TDRD7: variants seen among roughly 807,000 people sequenced by gnomAD.
The protein encoded by TDRD7 is tudor domain-containing protein 7.
A neutral mutation model predicts 109.8 loss-of-function variants in TDRD7; 47 were observed. That is an observed-to-expected ratio of 0.43 (90% CI 0.34 to 0.55). The LOEUF is 0.55. TDRD7 is among the 20% of genes least tolerant of loss of function. TDRD7 has a pLI of 0.03. For synonymous variants in TDRD7, 424 were observed against 457.3 expected, an observed-to-expected ratio of 0.93 and a Z score of 0.93; for missense variants, 1,164 against 1,319.2, an observed-to-expected ratio of 0.88 and a Z score of 1.82.
In TDRD7 at chr9:97,441,857, C is replaced by G. The variant is rs1396884692; in HGVS notation, c.837C>G (p.His279Gln). 2 of 1,613,580 alleles carry G rather than the reference C, an allele frequency of 1.2e-6. No homozygotes were observed. Among genetic ancestry groups the G allele is most frequent in the Non-Finnish European group, 1.7e-6 (2 of 1,179,648 alleles). Residue 279 changes from histidine to glutamine, a missense_variant, in exon 6 of 17, where the codon CAC becomes CAG. Physicochemically the swap from His to Gln is conservative, Grantham distance 24. Transcript: ENST00000355295. ...LNQGILQQFE[H>Q]WPHICTVEKP... ...AAGGAATTTTACAACAGTTTGAACACTGGCCTCATATTTGCACGGTATGTT... is the reference window on the plus strand; with the variant it reads ...AAGGAATTTTACAACAGTTTGAACAGTGGCCTCATATTTGCACGGTATGTT...
intron 16 of TDRD7, among the ~76,000 whole-genome samples, chr9:97,488,560 G>GTTTTT (rs61689126): frequency 2.1e-5 from 3 of 140,596 alleles, no homozygotes; most frequent in Non-Finnish European, 4.6e-5. Context: ...AGATTTAATG[G>GTTTTT]TTTTTTTTTT....
chr9:97,415,715 C>G (rs1205335586), intron 1 of TDRD7, among the ~76,000 whole-genome samples: 1 of 152,252 alleles, frequency 6.6e-6, no homozygotes, highest in East Asian at 1.9e-4. Context: ...ATCACTTGAA[C>G]CCGGCAGGCG....
In TDRD7 at chr9:97,487,226, T is replaced by C. The variant is rs375180891; in HGVS notation, c.2970T>C (p.Tyr990=). The change falls in exon 16 of 17, where the codon TAT becomes TAC. Residue 990 remains tyrosine, a synonymous_variant. Transcript: ENST00000355295. ...TGACCAATGGACTGGTATCTGTGTA[T>C]GAGCTGGATTATGGCAAACACGAAT... ...GILTNGLVSV[Y]ELDYGKHELV... is the part of the protein sequence containing the mutation. 6 of 1,613,888 alleles carry C rather than the reference T, an allele frequency of 3.7e-6. No homozygotes were observed. The Admixed American group carries it at 5.0e-5, about 13-fold the overall frequency.
rs530845020 is a variant in TDRD7 at position 97,439,803 on chromosome 9, G to T, written c.637+485G>T. On this transcript the variant is annotated intron_variant, in intron 5 of 16. Coordinates refer to ENST00000355295, the MANE Select transcript of TDRD7 (RefSeq NM_014290.3). ...TAAATATGAATATAAATAATTCTTT[G>T]GGTAATAGAATCCAAGTGGGCTGTT... Among the ~76,000 whole-genome samples the T allele has an allele frequency of 2.8e-3, 430 of 152,238 alleles. 1 individual carries two copies. Among genetic ancestry groups the T allele is most frequent in the African/African-American group, 1.0e-2 (415 of 41,542 alleles).
chr9:97,445,546 C>T (rs1828385823), intron 6 of TDRD7, among the ~76,000 whole-genome samples: 1 of 152,132 alleles, frequency 6.6e-6, no homozygotes, highest in South Asian at 2.1e-4. Context: ...GGCTGTTAAA[C>T]TAAAACCTGA....
chr9:97,454,010 A>ATT (rs1327386010), intron 6 of TDRD7, among the ~76,000 whole-genome samples: 1 of 152,208 alleles, frequency 6.6e-6, no homozygotes, highest in African/African-American at 2.4e-5. Context: ...TAACAATGAT[A>ATT]TTCAGGACTT....
intron 6 of TDRD7, among the ~76,000 whole-genome samples, chr9:97,451,381 C>A (rs1371403461): frequency 1.3e-5 from 2 of 152,164 alleles, no homozygotes; most frequent in Non-Finnish European, 2.9e-5. Context: ...CCTGGACATC[C>A]TGGGCTCAAG....
chr9:97,443,706 T>C (rs545323345), intron 6 of TDRD7, among the ~76,000 whole-genome samples: 6 of 152,326 alleles, frequency 3.9e-5, no homozygotes, highest in Admixed American at 2.6e-4. Flanking sequence ...CATAGAACTT[T>C]ATGAGTTCTT....
intron 6 of TDRD7, among the ~76,000 whole-genome samples, chr9:97,459,873 A>C (rs1828679713): frequency 6.6e-6 from 1 of 152,214 alleles, no homozygotes. Flanking sequence ...TGGATTTGGC[A>C]GAAACAACTA....
chr9:97,490,333 G>A (rs1483285447), intron 16 of TDRD7, among the ~76,000 whole-genome samples: 1 of 152,120 alleles, frequency 6.6e-6, no homozygotes, highest in Non-Finnish European at 1.5e-5. Flanking sequence ...ATAAGGTACA[G>A]AACTTTAGCT....
At chr9:97,486,615 GA>G (rs1829215867) in intron 15 of TDRD7, among the ~76,000 whole-genome samples, 1 of 152,068 alleles carries the variant, frequency 6.6e-6, no homozygotes. Flanking sequence ...TTCCTAGTCT[GA>G]CTTCTCTTCC....
intron 6 of TDRD7, among the ~76,000 whole-genome samples, chr9:97,447,696 C>T (rs1040482529): frequency 6.6e-6 from 1 of 152,202 alleles, no homozygotes; most frequent in East Asian, 1.9e-4. Context: ...ACCCTCCCTG[C>T]ACCTGCCCCA....
At chr9:97,426,767 T>A (rs1385774705) in intron 1 of TDRD7, among the ~76,000 whole-genome samples, 1 of 152,220 alleles carries the variant, frequency 6.6e-6, no homozygotes, top group Non-Finnish European at 1.5e-5. Flanking sequence ...TGTTTGCTAT[T>A]GAAACCTTGC....
chr9:97,450,387 G>T (rs2118423552), intron 6 of TDRD7, among the ~76,000 whole-genome samples: 1 of 152,316 alleles, frequency 6.6e-6, no homozygotes, highest in Admixed American at 6.5e-5. Flanking sequence ...CCTGAATCAA[G>T]TGGGCTAAAG....
chr9:97,467,697 A>G (rs968808872), intron 8 of TDRD7, among the ~76,000 whole-genome samples: 3 of 152,278 alleles, frequency 2.0e-5, no homozygotes, highest in African/African-American at 7.2e-5. Context: ...AGCAAGAGAT[A>G]GGCAGAGTGA....
At position 97,428,608 on chromosome 9, in the gene TDRD7, C is replaced by T. The variant is rs1363847254; in HGVS notation, c.143C>T (p.Thr48Ile). 6.2e-7 allele frequency: 1 copy of T among 1,614,018 alleles called. No homozygotes were observed. The highest frequency in any genetic ancestry group is 2.2e-5 in the East Asian group (1 of 44,866). Reference protein sequence around the residue: ...WIPFKQLGFPTLEAYLRSVPA... With the variant: ...WIPFKQLGFPILEAYLRSVPA... ...CCCTTCAAACAGCTAGGTTTCCCTA[C>T]ACTAGAAGCCTATCTGAGAAGTGTG... Residue 48 changes from threonine to isoleucine, a missense_variant, in exon 2 of 17, where the codon ACA becomes ATA. Transcript: ENST00000355295.
chr9:97,460,468 C>T lies in TDRD7; in HGVS notation c.1146C>T (p.Ala382=). Residue 382 remains alanine (A), a synonymous_variant, in exon 7 of 17, where the codon GCC becomes GCT. Coordinates refer to ENST00000355295, the MANE Select transcript of TDRD7 (RefSeq NM_014290.3). The part of the protein sequence containing the change: ...KFPEDALKNL[A]SLSDVCSIDY... ...CTGAGGATGCCTTAAAAAATCTTGC[C>T]TCACTTTCTGATGTATGCAGCATAG... The T allele has an allele frequency of 6.2e-7, 1 of 1,614,180 alleles. No individual in the cohort carries two copies. The highest frequency in any genetic ancestry group is 8.5e-7 in the Non-Finnish European group (1 of 1,180,036).
intron 16 of TDRD7, among the ~76,000 whole-genome samples, chr9:97,489,799 C>G (rs1829270154): frequency 1.3e-5 from 2 of 152,080 alleles, no homozygotes; most frequent in African/African-American, 4.8e-5. Context: ...TCTCTCCTTT[C>G]TTAGGATATC....
chr9:97,430,863 T>G lies in TDRD7; in HGVS notation c.208-70T>G, dbSNP rs1018096424. The G allele has an allele frequency of 3.1e-6, 5 of 1,602,260 alleles. No individual in the cohort carries two copies. In the African/African-American group the frequency reaches 6.7e-5, roughly 21 times the overall value. On this transcript the variant is annotated intron_variant, in intron 2 of 16. Transcript: ENST00000355295. ...ATGTAGGCTCACTAAGATCCACTTT[T>G]AAGAACTGGCCTCTAGGCAACACGG...
Sources: allele counts gnomAD v4.1 joint callset (sites outside exome capture counted in the v4.1 genomes callset), GRCh38; gene constraint gnomAD v4.1.1; transcripts MANE v1.5; gene names NCBI Gene and HGNC (gene_info 2026-07-23, HGNC 2026-07-21).